CUX2: variants seen among roughly 807,000 people sequenced by gnomAD.
The protein encoded by CUX2 is cut like homeobox 2.
Under a neutral mutation model 144.8 loss-of-function variants are expected in CUX2, and 40 were observed. The observed-to-expected ratio is 0.28, with a 90% confidence interval of 0.21 to 0.36. The LOEUF (loss-of-function observed/expected upper bound fraction) is 0.36. CUX2 is among the 10% of genes least tolerant of loss of function. The pLI, the probability that CUX2 is intolerant of heterozygous loss-of-function variation, is 1.00. For synonymous variants in CUX2, 827 were observed against 875.6 expected (o/e 0.94, Z 0.98); for missense variants, 1,615 against 1,994.0 (o/e 0.81, Z 3.62).
At chr12:111,116,799 A>G (rs1288305428) in intron 1 of CUX2, among the ~76,000 whole-genome samples, 1 of 152,240 alleles carries the variant, frequency 6.6e-6, no homozygotes, top group Non-Finnish European at 1.5e-5. Context: ...ATCTAACTTT[A>G]TCACAACCAG....
chr12:111,143,338 G>A lies in CUX2; in HGVS notation c.64-70862G>A, dbSNP rs554442448. Among the ~76,000 whole-genome samples the A allele has an allele frequency of 1.1e-4, 16 of 152,260 alleles. No individual in the cohort carries two copies. The South Asian group carries it at 2.9e-3, about 28-fold the overall frequency. On this transcript the variant is annotated intron_variant, in intron 1 of 21. Coordinates refer to ENST00000261726, the MANE Select transcript of CUX2 (RefSeq NM_015267.4). The stretch of plus-strand genomic sequence containing the variant: ...TCTGCCTCCAAGTAGACTAATATGC[G>A]GGTGTCGGAGGTTAAATTCCAGCGC...
At position 111,330,716 on chromosome 12, in the gene CUX2, T is replaced by TATATATATATATATACATATAC. The variant is rs1565926184; in HGVS notation, c.2927-3710_2927-3709insCATATACATATATATATATATA. 5.8e-3 allele frequency among the ~76,000 whole-genome samples: 213 copies of TATATATATATATATACATATAC among 36,958 alleles called. 60 individuals carry two copies. In the East Asian group the frequency reaches 0.18, roughly 31 times the overall value. The allele number at this position is 36,958 out of a possible 152,430, so 24.2% of individuals were successfully genotyped here. ...ATATATATATATATATATATATATA[T>TATATATATATATATACATATAC]ATATATATATATATATATATATATA... On this transcript the variant is annotated intron_variant, in intron 18 of 21. Coordinates refer to ENST00000261726, the MANE Select transcript of CUX2 (RefSeq NM_015267.4).
At chr12:111,176,203 C>T (rs2136173997) in intron 1 of CUX2, among the ~76,000 whole-genome samples, 2 of 151,818 alleles carry the variant, frequency 1.3e-5, no homozygotes, top group South Asian at 4.2e-4. Flanking sequence ...AGGTGTGCAC[C>T]ACACCTAATT....
chr12:111,060,979 T>C (rs1477259123), intron 1 of CUX2, among the ~76,000 whole-genome samples: 1 of 152,150 alleles, frequency 6.6e-6, no homozygotes, highest in Non-Finnish European at 1.5e-5. Context: ...GCGTGAGGCC[T>C]TCAGAAAGGA....
In CUX2 at chr12:111,277,858, T is replaced by G. The variant is rs1243134629; in HGVS notation, c.302-13560T>G. ...CTTAAAACAACACACGTTTATGATC[T>G]CACCGTTCTGCAGAACAGAAGTCCA... On this transcript the variant is annotated intron_variant, in intron 4 of 21. Transcript: ENST00000261726. This position sits in a 1 kb window ranked among gnomAD's most constrained non-coding sequence, Gnocchi z 5.0. Among the ~76,000 whole-genome samples, 1 of 152,210 alleles carries G rather than the reference T, an allele frequency of 6.6e-6. No individual in the cohort carries two copies. The highest frequency in any genetic ancestry group is 1.5e-5 in the Non-Finnish European group (1 of 68,040).
intron 1 of CUX2, among the ~76,000 whole-genome samples, chr12:111,191,313 AT>A (rs1555279867): frequency 1.1e-5 from 1 of 95,218 alleles, no homozygotes; most frequent in Non-Finnish European, 2.1e-5. Context: ...TTTATTATTT[AT>A]TTATTTATTT....
intron 1 of CUX2, among the ~76,000 whole-genome samples, chr12:111,044,174 A>C (rs1488003208): frequency 6.6e-6 from 1 of 152,096 alleles, no homozygotes; most frequent in Non-Finnish European, 1.5e-5. Flanking sequence ...CCTGCCTTCA[A>C]GTCTGTTTCT....
chr12:111,087,391 A>AG (rs1872295603), intron 1 of CUX2, among the ~76,000 whole-genome samples: 1 of 149,594 alleles, frequency 6.7e-6, no homozygotes, highest in Non-Finnish European at 1.5e-5. Flanking sequence ...AAAAAAAAAA[A>AG]AAAGAAAGAA....
chr12:111,212,749 T>A (rs1378110587), intron 1 of CUX2, among the ~76,000 whole-genome samples: 1 of 152,248 alleles, frequency 6.6e-6, no homozygotes, highest in Admixed American at 6.5e-5. Flanking sequence ...AGTTCCTTCT[T>A]GGATTTCTAC....
intron 2 of CUX2, among the ~76,000 whole-genome samples, chr12:111,216,366 A>C (rs1881530270): frequency 6.6e-6 from 1 of 152,194 alleles, no homozygotes; most frequent in Admixed American, 6.5e-5. Flanking sequence ...CCCATCCAGA[A>C]CTAATGTTTC....
In CUX2 at chr12:111,348,753, G is replaced by T. The variant is rs544488204; in HGVS notation, c.*428G>T. ...ATCAGGATGCTGTCACAACTGTTGC[G>T]AAGTATACACTGAAGTTGTGTCGTT... On this transcript the variant is annotated 3_prime_UTR_variant, in exon 22 of 22. Transcript: ENST00000261726. The T allele has an allele frequency of 6.1e-6, 1 of 164,456 alleles. No individual in the cohort carries two copies. Among genetic ancestry groups the T allele is most frequent in the East Asian group, 1.8e-4 (1 of 5,630 alleles). The allele number at this position is 164,456 out of a possible 1,614,324, so 10.2% of individuals were successfully genotyped here.
intron 4 of CUX2, among the ~76,000 whole-genome samples, chr12:111,288,226 G>A (rs1681500084): frequency 6.6e-6 from 1 of 152,132 alleles, no homozygotes; most frequent in Admixed American, 6.5e-5. Flanking sequence ...AGGGTCTGAG[G>A]TGGGAAGGTA....
chr12:111,264,377 A>G (rs2136292174), intron 4 of CUX2, among the ~76,000 whole-genome samples: 1 of 152,310 alleles, frequency 6.6e-6, no homozygotes, highest in South Asian at 2.1e-4. Context: ...ATGGCCATCA[A>G]TGGATGGATG....
At chr12:111,315,776 T>C (rs896416393) in intron 16 of CUX2, among the ~76,000 whole-genome samples, 4 of 152,108 alleles carry the variant, frequency 2.6e-5, no homozygotes, top group African/African-American at 9.7e-5. Flanking sequence ...TCCCAACTAC[T>C]TGAGAGGCTG....
chr12:111,186,659 CT>C lies in CUX2; in HGVS notation c.64-27539del, dbSNP rs1879551894. Among the ~76,000 whole-genome samples, 1 of 152,244 alleles carries C rather than the reference CT, an allele frequency of 6.6e-6. No individual in the cohort carries two copies. Among genetic ancestry groups the C allele is most frequent in the South Asian group, 2.1e-4 (1 of 4,832 alleles). On this transcript the variant is annotated intron_variant, in intron 1 of 21. Transcript: ENST00000261726. The surrounding 1 kb of genome is among the most constrained non-coding windows in gnomAD (Gnocchi z 4.4). ...CGCCGCCATCTGCCAGCTGTGTGAC[CT>C]TGTATGACCTTGCCACTCTGAGCCT...
rs551079113 is a variant in CUX2, at chr12:111,182,182, C to T, written c.64-32018C>T. ...GGTTTAATCTGTGTTCCGTTCCCTT[C>T]CACATAGAGCAGGACCTAACTAGAG... is the stretch of plus-strand genomic sequence containing the variant. On this transcript the variant is annotated intron_variant, in intron 1 of 21. Coordinates refer to ENST00000261726, the MANE Select transcript of CUX2 (RefSeq NM_015267.4). Among the ~76,000 whole-genome samples, 10 of 152,318 alleles carry T rather than the reference C, an allele frequency of 6.6e-5. No individual in the cohort carries two copies. The South Asian group carries it at 2.1e-3, about 32-fold the overall frequency.
intron 4 of CUX2, among the ~76,000 whole-genome samples, chr12:111,290,924 G>A (rs1171089851): frequency 2.7e-5 from 4 of 150,114 alleles, no homozygotes; most frequent in African/African-American, 7.4e-5. Flanking sequence ...GTGCAGTGGC[G>A]TGATCTCAGC....
chr12:111,299,495 G>T (rs1054521750), intron 9 of CUX2, among the ~76,000 whole-genome samples: 2 of 152,102 alleles, frequency 1.3e-5, no homozygotes. Context: ...GAAGGTGCAG[G>T]CCTGGGCTGG....
In CUX2 at chr12:111,070,521, T is replaced by C. The variant is rs1040715496; in HGVS notation, c.63+36281T>C. Among the ~76,000 whole-genome samples the C allele has an allele frequency of 1.3e-4, 20 of 152,024 alleles. No homozygotes were observed. The East Asian group carries it at 3.9e-3, about 29-fold the overall frequency. On this transcript the variant is annotated intron_variant, in intron 1 of 21. Transcript: ENST00000261726. Reference sequence around the variant, plus strand: ...CAAAATCGAGAGTTGCCGTATCCTCTCTGCCCCAATATGTGCATAGCCTCC... The same window carrying C: ...CAAAATCGAGAGTTGCCGTATCCTCCCTGCCCCAATATGTGCATAGCCTCC...
Sources: allele counts gnomAD v4.1 joint callset (sites outside exome capture counted in the v4.1 genomes callset), GRCh38; gene constraint gnomAD v4.1.1; non-coding constraint Gnocchi (gnomAD v3.1); transcripts MANE v1.5; gene names NCBI Gene and HGNC (gene_info 2026-07-23, HGNC 2026-07-21).